The following MAP3K9 variants were observed in gnomAD, a reference collection of about 807,000 sequenced individuals.
MAP3K9 encodes mixed lineage kinase 1 (tyr and ser/thr specificity).
In MAP3K9, 46 loss-of-function variants were observed where a neutral mutation model predicts 95.8. The ratio of observed to expected loss-of-function variants is 0.48; its 90% confidence interval spans 0.38 to 0.61. The LOEUF (loss-of-function observed/expected upper bound fraction) is 0.61, where lower values mean the gene tolerates loss of function less well. MAP3K9 is among the 20% of genes least tolerant of loss of function. MAP3K9 has a pLI of 0.00. For synonymous variants in MAP3K9, 533 were observed against 593.8 expected (o/e 0.90, Z 1.49); for missense variants, 1,296 against 1,474.3 (o/e 0.88, Z 1.98).
intron 2 of MAP3K9, among the ~76,000 whole-genome samples, chr14:70,775,734 G>GCTAT (rs2054589376): frequency 6.6e-6 from 1 of 152,188 alleles, no homozygotes; most frequent in Non-Finnish European, 1.5e-5. Context: ...AGCCACCAAA[G>GCTAT]CTATCAGTCA....
intron 2 of MAP3K9, among the ~76,000 whole-genome samples, chr14:70,784,247 C>G (rs34632954): frequency 0.1 from 15,456 of 151,818 alleles, 931 homozygotes; most frequent in African/African-American, 0.16. Context: ...CGCGCCACTG[C>G]ACTCCAGCCT....
Position 70,736,253 on chromosome 14 carries a change from G to C in MAP3K9, c.1845-224C>G, listed in dbSNP as rs1333066200. ...CTGGGCAGCTGCAGCACGGTTGCAG[G>C]GGGACTGTGAATCCATAGATACCCA... On this transcript the variant is annotated intron_variant, in intron 8 of 11. Transcript: ENST00000554752. 6.6e-5 allele frequency among the ~76,000 whole-genome samples: 10 copies of C among 152,170 alleles called. No individual in the cohort carries two copies. In the East Asian group the frequency reaches 1.3e-3, roughly 20 times the overall value.
At chr14:70,730,901 G>C in intron 11 of MAP3K9, 37 bp from the exon 12 acceptor site, 1 of 1,567,798 alleles carries the variant, frequency 6.4e-7, no homozygotes, top group Non-Finnish European at 8.6e-7. Flanking sequence ...ATCAGATGAG[G>C]CACCATATTT....
intron 4 of MAP3K9, 133 bp from the exon 5 acceptor site, chr14:70,749,137 G>A: frequency 7.2e-6 from 6 of 829,940 alleles, no homozygotes; most frequent in Non-Finnish European, 9.3e-6. Context: ...CAGAATTTAG[G>A]TAACCTCAAA....
In MAP3K9 at chr14:70,732,747, T is replaced by G; in HGVS notation, c.2622A>C (p.Pro874=). ...VSPVEAPPLS[P]CTHNPLVNVR... ...CATTGACCAGGGGGTTGTGGGTACATGGACTCAGGGGAGGGGCCTCGACTG... is the reference window on the plus strand; with the variant it reads ...CATTGACCAGGGGGTTGTGGGTACAGGGACTCAGGGGAGGGGCCTCGACTG... Residue 874 remains proline, a synonymous_variant, in exon 11 of 12, where the codon CCA becomes CCC. Transcript: ENST00000554752. 6.2e-7 allele frequency: 1 copy of G among 1,610,068 alleles called. No homozygotes were observed. Among genetic ancestry groups the G allele is most frequent in the Non-Finnish European group, 8.5e-7 (1 of 1,177,252 alleles).
chr14:70,730,009 A>G lies in MAP3K9; in HGVS notation c.*371T>C. ...AACTCGGGGCTGACAAAGGGACCCT[A>G]TGACAGCTCTGCGCACACCCAACTG... On this transcript the variant is annotated 3_prime_UTR_variant, in exon 12 of 12. Coordinates refer to ENST00000554752, the MANE Select transcript of MAP3K9 (RefSeq NM_001284230.2). The G allele has an allele frequency of 4.6e-6, 1 of 215,408 alleles. No homozygotes were observed. Among genetic ancestry groups the G allele is most frequent in the East Asian group, 1.1e-4 (1 of 8,934 alleles). The allele number at this position is 215,408 out of a possible 1,614,324, so 13.3% of individuals were successfully genotyped here.
At chr14:70,807,567 A>T (rs2055003797) in intron 1 of MAP3K9, among the ~76,000 whole-genome samples, 1 of 152,258 alleles carries the variant, frequency 6.6e-6, no homozygotes, top group Admixed American at 6.5e-5. Flanking sequence ...CGTAACTGTT[A>T]CAAAGGAAAT....
In MAP3K9 at chr14:70,772,861, T is replaced by C. The variant is rs147912824; in HGVS notation, c.821-11679A>G. 4.4e-3 allele frequency among the ~76,000 whole-genome samples: 672 copies of C among 152,256 alleles called. 7 individuals carry two copies. The highest frequency in any genetic ancestry group is 0.016 in the African/African-American group (645 of 41,548). On this transcript the variant is annotated intron_variant, in intron 2 of 11. Coordinates refer to ENST00000554752, the MANE Select transcript of MAP3K9 (RefSeq NM_001284230.2). ...CTATAACTATGCCCACTTTCAGATA[T>C]GGAGACTGAAATTCAGGCAGGCTGG...
intron 3 of MAP3K9, among the ~76,000 whole-genome samples, chr14:70,756,017 T>C (rs1415005191): frequency 6.6e-6 from 1 of 152,190 alleles, no homozygotes; most frequent in Middle Eastern, 3.2e-3. Context: ...GGCTCTTCCT[T>C]CAAGCCTGCT....
At chr14:70,742,630 T>A (rs775666055) in intron 5 of MAP3K9, 39 bp from the exon 6 acceptor site, 1 of 1,604,176 alleles carries the variant, frequency 6.2e-7, no homozygotes. Context: ...AAGACTGGGG[T>A]GCTCAGTGCA....
rs1401559409 is a variant in MAP3K9, at chr14:70,726,627, T to C, written c.*3753A>G. ...AAGAATGCTTGTCAACACCAGATGC[T>C]ATATAAATGCGGCAGAAGGGCATGG... On this transcript the variant is annotated 3_prime_UTR_variant, in exon 12 of 12. Transcript: ENST00000554752. 1 of 152,250 alleles carries C rather than the reference T, an allele frequency of 6.6e-6. No homozygotes were observed. Among genetic ancestry groups the C allele is most frequent in the Non-Finnish European group, 1.5e-5 (1 of 68,058 alleles). The allele number at this position is 152,250 out of a possible 1,614,324, so 9.4% of individuals were successfully genotyped here. A position where few individuals can be genotyped will look rare whatever the true frequency, so the allele number is the denominator to read the frequency against.
chr14:70,770,297 C>T lies in MAP3K9; in HGVS notation c.821-9115G>A, dbSNP rs180848815. Among the ~76,000 whole-genome samples the T allele has an allele frequency of 1.5e-4, 23 of 152,210 alleles. No individual in the cohort carries two copies. The East Asian group carries it at 1.9e-3, about 13-fold the overall frequency. ...CTGGGTTCAAGCGATTCTCCTGCCT[C>T]GGCCTCCCATGTAGCTGGGATTACA... On this transcript the variant is annotated intron_variant, in intron 2 of 11. Transcript: ENST00000554752.
intron 2 of MAP3K9, among the ~76,000 whole-genome samples, chr14:70,784,835 G>A (rs1477609646): frequency 3.3e-5 from 5 of 152,148 alleles, no homozygotes; most frequent in African/African-American, 1.2e-4. Context: ...TGCATTTTAG[G>A]ACCATCAGGT....
intron 9 of MAP3K9, among the ~76,000 whole-genome samples, chr14:70,735,366 CTTTTT>C (rs10716151): frequency 1.4e-5 from 2 of 140,132 alleles, no homozygotes; most frequent in African/African-American, 2.6e-5. Flanking sequence ...CAGAGTGGCT[CTTTTT>C]TTTTTTTTTT....
rs186712222 is a variant in MAP3K9 at position 70,807,783 on chromosome 14, A to G, written c.406+983T>C. Among the ~76,000 whole-genome samples, 748 of 152,300 alleles carry G rather than the reference A, an allele frequency of 4.9e-3. 8 individuals are homozygous for G. Among genetic ancestry groups the G allele is most frequent in the Non-Finnish European group, 4.7e-3 (320 of 68,020 alleles). On this transcript the variant is annotated intron_variant, in intron 1 of 11. Transcript: ENST00000554752. ...ATTTACATGTTTTTTTCTGAAATAA[A>G]CTAGTATGATTAAGGGATTGTGATG...
intron 9 of MAP3K9, among the ~76,000 whole-genome samples, chr14:70,734,905 C>T (rs1249787303): frequency 6.6e-6 from 1 of 152,272 alleles, no homozygotes; most frequent in Non-Finnish European, 1.5e-5. Flanking sequence ...CCTGCGAAGC[C>T]AGGCAAGCAC....
intron 9 of MAP3K9, 118 bp downstream of exon 9, chr14:70,735,843 A>G: frequency 1.3e-6 from 1 of 799,518 alleles, no homozygotes; most frequent in Non-Finnish European, 2.2e-6. Flanking sequence ...AAAACAAAAA[A>G]GTCAGTTCAG....
At position 70,733,518 on chromosome 14, in the gene MAP3K9, A is replaced by G. The variant is rs564446737; in HGVS notation, c.2027-176T>C. ...ACACTGAACCAAGGGGGCTTTATCCACCCCCCAACACAGGGAAACCACTCT... is the reference window on the plus strand; with the variant it reads ...ACACTGAACCAAGGGGGCTTTATCCGCCCCCCAACACAGGGAAACCACTCT... On this transcript the variant is annotated intron_variant, in intron 10 of 11. Coordinates refer to ENST00000554752, the MANE Select transcript of MAP3K9 (RefSeq NM_001284230.2). The G allele has an allele frequency of 1.1e-3, 650 of 602,376 alleles. 3 individuals are homozygous for G. The highest frequency in any genetic ancestry group is 1.6e-3 in the Non-Finnish European group (531 of 334,572). The allele number at this position is 602,376 out of a possible 1,614,324, so 37.3% of individuals were successfully genotyped here.
chr14:70,759,039 A>T (rs911790285), intron 3 of MAP3K9, among the ~76,000 whole-genome samples: 4 of 152,254 alleles, frequency 2.6e-5, no homozygotes, highest in African/African-American at 9.6e-5. Context: ...CATCCAGAAC[A>T]GGCAAATTCA....
Sources: allele counts gnomAD v4.1 joint callset (sites outside exome capture counted in the v4.1 genomes callset), GRCh38; gene constraint gnomAD v4.1.1; transcripts MANE v1.5; gene names NCBI Gene and HGNC (gene_info 2026-07-23, HGNC 2026-07-21).